The following KATNAL1 variants were observed in gnomAD, a reference collection of about 807,000 sequenced individuals.
KATNAL1 encodes katanin p60 ATPase-containing subunit A-like 1.
Under a neutral mutation model 55.2 loss-of-function variants are expected in KATNAL1, and 32 were observed. That is an observed-to-expected ratio of 0.58 (90% CI 0.44 to 0.78). KATNAL1 has a LOEUF of 0.78. Among genes scored for constraint, KATNAL1 ranks in the 30% least tolerant of loss-of-function variants. KATNAL1 has a pLI of 0.00. For synonymous variants in KATNAL1, 193 were observed against 193.6 expected, an observed-to-expected ratio of 1.00 and a Z score of 0.02; for missense variants, 466 against 600.9, an observed-to-expected ratio of 0.78 and a Z score of 2.35.
intron 3 of KATNAL1, among the ~76,000 whole-genome samples, chr13:30,279,111 C>T (rs1414067658): frequency 1.3e-5 from 2 of 152,140 alleles, no homozygotes; most frequent in Non-Finnish European, 2.9e-5. Flanking sequence ...AATACTCTGG[C>T]CATAATAAAG....
chr13:30,242,888 G>A, intron 4 of KATNAL1, among the ~76,000 whole-genome samples: 1 of 152,104 alleles, frequency 6.6e-6, no homozygotes, highest in East Asian at 1.9e-4. Flanking sequence ...ATTTGGTTAT[G>A]CCAGGAAATC....
At chr13:30,261,594 C>T (rs962005900) in intron 3 of KATNAL1, among the ~76,000 whole-genome samples, 1 of 152,002 alleles carries the variant, frequency 6.6e-6, no homozygotes, top group African/African-American at 2.4e-5. Context: ...AGACTTTAAA[C>T]CAACAAAGAT....
At chr13:30,214,796 G>A (rs1471315914) in intron 9 of KATNAL1, among the ~76,000 whole-genome samples, 16 of 151,538 alleles carry the variant, frequency 1.1e-4, no homozygotes, top group Non-Finnish European at 1.9e-4. Context: ...AGACTTAAAC[G>A]TTAGACCTAA....
intron 4 of KATNAL1, among the ~76,000 whole-genome samples, chr13:30,249,206 T>C (rs945162191): frequency 4.0e-5 from 6 of 151,266 alleles, no homozygotes; most frequent in Admixed American, 2.0e-4. Flanking sequence ...AACTCCAACC[T>C]AGGCGACAAG....
At chr13:30,297,334 C>T (rs190768452) in intron 1 of KATNAL1, among the ~76,000 whole-genome samples, 81 of 152,252 alleles carry the variant, frequency 5.3e-4, no homozygotes, top group African/African-American at 1.9e-3. Flanking sequence ...AAGATTAAGA[C>T]TTGCTGAGGC....
intron 1 of KATNAL1, among the ~76,000 whole-genome samples, chr13:30,295,359 G>C (rs1486092911): frequency 6.6e-6 from 1 of 152,192 alleles, no homozygotes; most frequent in Non-Finnish European, 1.5e-5. Flanking sequence ...GACTCTGAGG[G>C]TTTCAAGACT....
At chr13:30,289,168 A>C (rs778253656) in intron 1 of KATNAL1, among the ~76,000 whole-genome samples, 1 of 152,192 alleles carries the variant, frequency 6.6e-6, no homozygotes, top group Non-Finnish European at 1.5e-5. Context: ...TAACACTTCA[A>C]ACTCAGCCTT....
chr13:30,280,284 TA>T, intron 2 of KATNAL1, 61 bp from the exon 3 acceptor site: 1 of 1,352,962 alleles, frequency 7.4e-7, no homozygotes, highest in Non-Finnish European at 9.9e-7. Context: ...AAATTGTAAA[TA>T]ATAAATTACT....
intron 1 of KATNAL1, among the ~76,000 whole-genome samples, chr13:30,289,650 A>G (rs780359780): frequency 9.8e-5 from 15 of 152,346 alleles, no homozygotes; most frequent in Admixed American, 8.5e-4. Flanking sequence ...ATGCCTTGTC[A>G]TAACTCAATA....
chr13:30,299,101 T>C (rs1882706521), intron 1 of KATNAL1, among the ~76,000 whole-genome samples: 1 of 152,136 alleles, frequency 6.6e-6, no homozygotes, highest in Admixed American at 6.5e-5. Flanking sequence ...AGTGGGAGCC[T>C]GGAGACAATG....
Position 30,286,273 on chromosome 13 carries a change from T to C in KATNAL1, c.-14-2482A>G, listed in dbSNP as rs147593968. The stretch of plus-strand genomic sequence containing the variant: ...TCAGAGATGTCGGCAACCCCTCCCA[T>C]CACAAGCCCAGAGGCCTAAGAGGGA... On this transcript the variant is annotated intron_variant, in intron 1 of 10. Coordinates refer to ENST00000380615, the MANE Select transcript of KATNAL1 (RefSeq NM_032116.5). Among the ~76,000 whole-genome samples the C allele has an allele frequency of 3.1e-3, 479 of 152,204 alleles. 2 individuals are homozygous for C. Among genetic ancestry groups the C allele is most frequent in the African/African-American group, 0.011 (454 of 41,526 alleles).
chr13:30,253,662 CAAAA>C (rs71093036), intron 4 of KATNAL1, among the ~76,000 whole-genome samples: 20 of 88,076 alleles, frequency 2.3e-4, no homozygotes, highest in East Asian at 6.6e-4. Context: ...GACTCCATCT[CAAAA>C]AAAAAAAAAA....
intron 9 of KATNAL1, among the ~76,000 whole-genome samples, chr13:30,226,260 CT>C (rs1169008170): frequency 6.6e-6 from 1 of 152,124 alleles, no homozygotes; most frequent in Non-Finnish European, 1.5e-5. Context: ...TATGACCCAT[CT>C]TTTCTTTTCT....
At position 30,203,098 on chromosome 13, in the gene KATNAL1, TGTTA is replaced by T. The variant is rs1872829921; in HGVS notation, c.*5438_*5441del. 1 of 152,240 alleles carries T rather than the reference TGTTA, an allele frequency of 6.6e-6. No homozygotes were observed. The highest frequency in any genetic ancestry group is 6.5e-5 in the Admixed American group (1 of 15,286). The allele number at this position is 152,240 out of a possible 1,614,324, so 9.4% of individuals were successfully genotyped here. A position where few individuals can be genotyped will look rare whatever the true frequency, so the allele number is the denominator to read the frequency against. ...ACAAAACTCTAAGAAAATAGATGTGTGTTATGTTTGGAACTGCTGCTTTGAATGC... is the reference window on the plus strand; with the variant it reads ...ACAAAACTCTAAGAAAATAGATGTGTTGTTTGGAACTGCTGCTTTGAATGC... On this transcript the variant is annotated 3_prime_UTR_variant, in exon 11 of 11. Transcript: ENST00000380615.
At chr13:30,222,859 A>G (rs577898043) in intron 9 of KATNAL1, among the ~76,000 whole-genome samples, 1 of 152,248 alleles carries the variant, frequency 6.6e-6, no homozygotes, top group South Asian at 2.1e-4. Flanking sequence ...TTGGGAGGCC[A>G]AGGTGGGTGA....
chr13:30,278,662 C>T (rs912627825), intron 3 of KATNAL1, among the ~76,000 whole-genome samples: 5 of 152,216 alleles, frequency 3.3e-5, no homozygotes, highest in Non-Finnish European at 7.3e-5. Flanking sequence ...AAGTTATTAT[C>T]AGCTCTTAGG....
chr13:30,306,058 A>AAC (rs144029796), intron 1 of KATNAL1, among the ~76,000 whole-genome samples: 22,774 of 151,758 alleles, frequency 0.15, 1,956 homozygotes, highest in South Asian at 0.25. Context: ...TTTGTTTTTA[A>AAC]ACACACACAC....
At chr13:30,217,271 T>A (rs1437753712) in intron 9 of KATNAL1, among the ~76,000 whole-genome samples, 1 of 151,946 alleles carries the variant, frequency 6.6e-6, no homozygotes, top group South Asian at 2.1e-4. Flanking sequence ...GCTAACACGG[T>A]GAAACCCTGT....
intron 3 of KATNAL1, among the ~76,000 whole-genome samples, chr13:30,258,218 T>C (rs1004119412): frequency 6.6e-6 from 1 of 152,250 alleles, no homozygotes; most frequent in Non-Finnish European, 1.5e-5. Context: ...AATTCTCCTA[T>C]TTGAGATTTC....
Sources: gnomAD v4.1 joint callset for allele counts (sites outside exome capture counted in the v4.1 genomes callset) on GRCh38, gnomAD v4.1.1 for gene constraint, MANE v1.5 for transcripts, NCBI Gene and HGNC (gene_info 2026-07-23, HGNC 2026-07-21) for gene names.